PALM2AKAP2: variants seen among roughly 807,000 people sequenced by gnomAD.
PALM2AKAP2 encodes PALM2 and AKAP2 fusion.
PALM2AKAP2 carries 37 observed loss-of-function variants against 71.5 expected under a neutral mutation model. That is an observed-to-expected ratio of 0.52 (90% CI 0.40 to 0.68). The LOEUF (loss-of-function observed/expected upper bound fraction) is 0.68. PALM2AKAP2 is among the 30% of genes least tolerant of loss of function. PALM2AKAP2 has a pLI of 0.00. For synonymous variants in PALM2AKAP2, 468 were observed against 478.8 expected, an observed-to-expected ratio of 0.98 and a Z score of 0.29; for missense variants, 1,224 against 1,191.8, an observed-to-expected ratio of 1.03 and a Z score of -0.40.
intron 1 of PALM2AKAP2, among the ~76,000 whole-genome samples, chr9:109,649,024 G>C (rs954974556): frequency 1.3e-5 from 2 of 151,940 alleles, no homozygotes; most frequent in Non-Finnish European, 2.9e-5. Context: ...CTTTGTAGAT[G>C]GCTTGCCTAC....
intron 3 of PALM2AKAP2, among the ~76,000 whole-genome samples, chr9:109,916,844 G>A (rs1830704192): frequency 6.6e-6 from 1 of 152,078 alleles, no homozygotes; most frequent in Non-Finnish European, 1.5e-5. Context: ...ACATACTATT[G>A]CCCCTGTGGA....
chr9:109,743,768 A>C (rs1828755590), intron 1 of PALM2AKAP2, among the ~76,000 whole-genome samples: 2 of 152,200 alleles, frequency 1.3e-5, no homozygotes, highest in South Asian at 4.1e-4. Flanking sequence ...GCATATACAT[A>C]CATCTGCCTG....
chr9:109,757,469 G>A (rs1828981152), intron 1 of PALM2AKAP2, among the ~76,000 whole-genome samples: 1 of 152,032 alleles, frequency 6.6e-6, no homozygotes, highest in African/African-American at 2.4e-5. Context: ...TGGTCACAAA[G>A]TCCTTTGTGA....
intron 3 of PALM2AKAP2, among the ~76,000 whole-genome samples, chr9:110,157,133 T>C (rs1836477410): frequency 6.6e-6 from 1 of 152,334 alleles, no homozygotes; most frequent in South Asian, 2.1e-4. Flanking sequence ...TGTGGTTTCT[T>C]TCTCCGGTTA....
chr9:109,691,025 G>C (rs778346468), intron 1 of PALM2AKAP2, among the ~76,000 whole-genome samples: 52 of 152,252 alleles, frequency 3.4e-4, no homozygotes, highest in Admixed American at 1.5e-3. Context: ...GAAACAGAAG[G>C]GGGGAAGTTG....
At chr9:109,652,284 C>A (rs1827236186) in intron 1 of PALM2AKAP2, among the ~76,000 whole-genome samples, 1 of 152,092 alleles carries the variant, frequency 6.6e-6, no homozygotes, top group South Asian at 2.1e-4. Context: ...GTGTTTGAGT[C>A]ATGAGGGTGG....
chr9:110,143,540 G>A (rs1260152171), intron 2 of PALM2AKAP2, among the ~76,000 whole-genome samples: 1 of 152,134 alleles, frequency 6.6e-6, no homozygotes, highest in Non-Finnish European at 1.5e-5. Context: ...TTAGGGGGTG[G>A]GATATCCAAA....
chr9:110,116,634 G>A (rs1835369222), intron 1 of PALM2AKAP2, among the ~76,000 whole-genome samples: 2 of 152,128 alleles, frequency 1.3e-5, no homozygotes, highest in Non-Finnish European at 2.9e-5. Flanking sequence ...GAAATTCTAC[G>A]ACATTTGATT....
At chr9:109,763,556 A>G (rs1829095279) in intron 1 of PALM2AKAP2, among the ~76,000 whole-genome samples, 1 of 152,122 alleles carries the variant, frequency 6.6e-6, no homozygotes, top group Non-Finnish European at 1.5e-5. Flanking sequence ...TTTCTTAGCT[A>G]TGTTAGTTTC....
intron 1 of PALM2AKAP2, among the ~76,000 whole-genome samples, chr9:110,095,840 G>C (rs1340390121): frequency 6.6e-6 from 1 of 152,206 alleles, no homozygotes; most frequent in Non-Finnish European, 1.5e-5. Flanking sequence ...AGTTCCTAGA[G>C]TGGGACCATC....
chr9:109,818,727 G>A (rs773293667), intron 1 of PALM2AKAP2, among the ~76,000 whole-genome samples: 28 of 152,260 alleles, frequency 1.8e-4, no homozygotes, highest in East Asian at 3.9e-4. Context: ...GACTACGGGC[G>A]TGCCTGGCAT....
intron 1 of PALM2AKAP2, among the ~76,000 whole-genome samples, chr9:109,726,908 G>A (rs148971141): frequency 6.4e-4 from 97 of 152,192 alleles, no homozygotes; most frequent in African/African-American, 2.2e-3. Context: ...GTACCAAACC[G>A]GACAGTGAGA....
chr9:110,000,268 T>A (rs1644723833), intron 6 of PALM2AKAP2, among the ~76,000 whole-genome samples: 1 of 151,002 alleles, frequency 6.6e-6, no homozygotes, highest in African/African-American at 2.4e-5. Context: ...TGGTGTTGGG[T>A]TTTTTGTCCT....
intron 1 of PALM2AKAP2, among the ~76,000 whole-genome samples, chr9:109,671,812 T>C (rs971429659): frequency 3.9e-5 from 6 of 152,052 alleles, no homozygotes; most frequent in African/African-American, 1.2e-4. Flanking sequence ...TTTTTCACCT[T>C]TAACACAGTT....
At chr9:110,162,475 A>T (rs1004286027) in intron 3 of PALM2AKAP2, among the ~76,000 whole-genome samples, 1 of 152,194 alleles carries the variant, frequency 6.6e-6, no homozygotes, top group South Asian at 2.1e-4. Context: ...CATTAATAGC[A>T]AGTATACTTG....
chr9:109,870,396 C>T (rs1007013479), intron 2 of PALM2AKAP2, among the ~76,000 whole-genome samples: 9 of 152,188 alleles, frequency 5.9e-5, no homozygotes, highest in Non-Finnish European at 1.2e-4. Context: ...GAAGTACATT[C>T]GTGGAGGTTA....
chr9:109,709,932 A>T (rs1828206481), intron 1 of PALM2AKAP2, among the ~76,000 whole-genome samples: 1 of 152,222 alleles, frequency 6.6e-6, no homozygotes, highest in Non-Finnish European at 1.5e-5. Flanking sequence ...TGCAGATGTA[A>T]TTAAGGATCT....
chr9:109,840,508 T>C (rs1051062550), intron 1 of PALM2AKAP2, among the ~76,000 whole-genome samples: 3 of 152,090 alleles, frequency 2.0e-5, no homozygotes, highest in Admixed American at 1.3e-4. Context: ...GAAGCCAAAA[T>C]TGACAAATGG....
intron 1 of PALM2AKAP2, among the ~76,000 whole-genome samples, chr9:109,800,306 T>C (rs1827387296): frequency 6.6e-6 from 1 of 152,246 alleles, no homozygotes; most frequent in South Asian, 2.1e-4. Context: ...ACTACTGTTA[T>C]GGTAAGTGTT....
Sources: allele counts gnomAD v4.1 joint callset (sites outside exome capture counted in the v4.1 genomes callset), GRCh38; gene constraint gnomAD v4.1.1; transcripts MANE v1.5; gene names NCBI Gene and HGNC (gene_info 2026-07-23, HGNC 2026-07-21).